Variants in IGDCC4 observed in about 807,000 individuals in gnomAD.
IGDCC4 encodes likely ortholog of mouse neighbor of Punc E11.
Under a neutral mutation model 116.6 loss-of-function variants are expected in IGDCC4, and 72 were observed. The observed-to-expected ratio is 0.62, with a 90% confidence interval of 0.51 to 0.75. The LOEUF (loss-of-function observed/expected upper bound fraction) is 0.75. IGDCC4 is among the 30% of genes least tolerant of loss of function. IGDCC4 has a pLI of 0.00. For synonymous variants in IGDCC4, 709 were observed against 719.9 expected (o/e 0.98, Z 0.24); for missense variants, 1,501 against 1,662.4 (o/e 0.90, Z 1.69).
At position 65,396,834 on chromosome 15, in the gene IGDCC4, C is replaced by A. The variant is rs767900209; in HGVS notation, c.997G>T (p.Ala333Ser). The A allele has an allele frequency of 9.6e-6, 15 of 1,568,138 alleles. No individual in the cohort carries two copies. The highest frequency in any genetic ancestry group is 1.3e-5 in the Non-Finnish European group (15 of 1,156,420). Residue 333 changes from alanine to serine, a missense_variant and splice_region_variant, in exon 6 of 20, where the codon GCG becomes TCG. This residue lies in a region of IGDCC4 where 898 missense variants were observed against 978.9 expected (regional missense o/e 0.92). Coordinates refer to ENST00000352385, the MANE Select transcript of IGDCC4 (RefSeq NM_020962.3). ...ATAAAELRVL[A>S]APAITQAPEA... ...CCCTCCGCCCTTCGGCCCGCCTCAC[C>A]CAGCACACGGAGCTCAGCGGCTGCA... is the stretch of plus-strand genomic sequence containing the variant.
chr15:65,394,130 C>T (rs1035072912), intron 9 of IGDCC4, among the ~76,000 whole-genome samples: 4 of 152,150 alleles, frequency 2.6e-5, no homozygotes, highest in Admixed American at 6.5e-5. Flanking sequence ...CCCCCCATTT[C>T]CCAGATAAGG....
chr15:65,408,968 G>A (rs2063064444), intron 3 of IGDCC4, among the ~76,000 whole-genome samples: 1 of 151,804 alleles, frequency 6.6e-6, no homozygotes. Context: ...AAGTAGCGGG[G>A]ACCACAGGCA....
intron 18 of IGDCC4, chr15:65,385,461 T>G: frequency 1.9e-6 from 1 of 520,842 alleles, no homozygotes; most frequent in Non-Finnish European, 3.4e-6. Context: ...GGCCTCACCT[T>G]ATCCTGGTCC....
intron 1 of IGDCC4, among the ~76,000 whole-genome samples, chr15:65,414,807 A>G (rs1020169214): frequency 6.6e-6 from 1 of 152,150 alleles, no homozygotes; most frequent in Non-Finnish European, 1.5e-5. Context: ...ACACCTGACT[A>G]ATTTTTGTAT....
chr15:65,402,282 G>A, intron 4 of IGDCC4, 69 bp downstream of exon 4: 1 of 1,522,270 alleles, frequency 6.6e-7, no homozygotes. Flanking sequence ...ACCCCTTGAG[G>A]TCCCTCCCAG....
chr15:65,381,839 G>A lies in IGDCC4; in HGVS notation c.*2170C>T, dbSNP rs2280345. The A allele has an allele frequency of 0.91, 139,296 of 152,696 alleles. 63,602 individuals are homozygous for A. The highest frequency in any genetic ancestry group is 0.96 in the Middle Eastern group (282 of 294). 9.5% of individuals were successfully genotyped at this position (152,696 alleles called of 1,614,324 possible). A position where few individuals can be genotyped will look rare whatever the true frequency, so the allele number is the denominator to read the frequency against. ...TTACCCAGAGCCCAAATCATATATAGTGCTAGTGAGAAATGGCCACTTTCT... is the reference window on the plus strand; with the variant it reads ...TTACCCAGAGCCCAAATCATATATAATGCTAGTGAGAAATGGCCACTTTCT... On this transcript the variant is annotated 3_prime_UTR_variant, in exon 20 of 20. Coordinates refer to ENST00000352385, the MANE Select transcript of IGDCC4 (RefSeq NM_020962.3).
intron 3 of IGDCC4, among the ~76,000 whole-genome samples, chr15:65,408,287 C>T (rs1027064211): frequency 6.6e-6 from 1 of 152,092 alleles, no homozygotes; most frequent in Admixed American, 6.5e-5. Flanking sequence ...CTTCTGCTAC[C>T]CTCTCTGGGG....
intron 1 of IGDCC4, 137 bp from the exon 2 acceptor site, chr15:65,411,507 TA>T: frequency 2.9e-6 from 2 of 682,854 alleles, no homozygotes; most frequent in Non-Finnish European, 4.7e-6. Context: ...CTCCCCTTAC[TA>T]ACTGTGACCT....
chr15:65,421,118 C>T (rs1346460901), intron 1 of IGDCC4, among the ~76,000 whole-genome samples: 1 of 152,224 alleles, frequency 6.6e-6, no homozygotes, highest in African/African-American at 2.4e-5. Flanking sequence ...GTTGTAGCCA[C>T]TCACACTGCA....
chr15:65,388,321 C>T, intron 16 of IGDCC4, 128 bp downstream of exon 16: 2 of 1,245,786 alleles, frequency 1.6e-6, no homozygotes, highest in South Asian at 2.7e-5. Context: ...ACCTATTTCC[C>T]CTTCACATTT....
chr15:65,412,062 T>A (rs1039084991), intron 1 of IGDCC4, among the ~76,000 whole-genome samples: 8 of 152,106 alleles, frequency 5.3e-5, no homozygotes, highest in Admixed American at 3.3e-4. Flanking sequence ...ACAGATAATT[T>A]AAAAAGTTAG....
At chr15:65,408,481 G>C (rs2063060315) in intron 3 of IGDCC4, among the ~76,000 whole-genome samples, 1 of 152,176 alleles carries the variant, frequency 6.6e-6, no homozygotes, top group African/African-American at 2.4e-5. Flanking sequence ...TCACCCTCTA[G>C]AATGCTCATT....
At position 65,401,425 on chromosome 15, in the gene IGDCC4, C is replaced by T. The variant is rs187700102; in HGVS notation, c.701-479G>A. 2.7e-4 allele frequency among the ~76,000 whole-genome samples: 41 copies of T among 152,324 alleles called. No homozygotes were observed. The East Asian group carries it at 7.7e-3, about 29-fold the overall frequency. Reference sequence around the variant, plus strand: ...TCTGCCTGTGCGGCAGTTCCCTAAACCCTGATTTCCTGCCAAGTTCTTTGT... The same window carrying T: ...TCTGCCTGTGCGGCAGTTCCCTAAATCCTGATTTCCTGCCAAGTTCTTTGT... On this transcript the variant is annotated intron_variant, in intron 4 of 19. Coordinates refer to ENST00000352385, the MANE Select transcript of IGDCC4 (RefSeq NM_020962.3).
chr15:65,383,892 A>C lies in IGDCC4; in HGVS notation c.*117T>G, dbSNP rs2091426060. 1.0e-6 allele frequency: 1 copy of C among 978,840 alleles called. No homozygotes were observed. The highest frequency in any genetic ancestry group is 2.7e-5 in the East Asian group (1 of 36,492). 60.6% of individuals were successfully genotyped at this position (978,840 alleles called of 1,614,324 possible). A position where few individuals can be genotyped will look rare whatever the true frequency, so the allele number is the denominator to read the frequency against. ...TCCCCTCAGCCAAAGCAACTTAGGA[A>C]GCTCCAAAGGGCTTGATGATGTATC... On this transcript the variant is annotated 3_prime_UTR_variant, in exon 20 of 20. Transcript: ENST00000352385.
At position 65,395,970 on chromosome 15, in the gene IGDCC4, C is replaced by A; in HGVS notation, c.1191G>T (p.Leu397=). 1.9e-6 allele frequency: 3 copies of A among 1,582,136 alleles called. No homozygotes were observed. Among genetic ancestry groups the A allele is most frequent in the Non-Finnish European group, 2.6e-6 (3 of 1,172,038 alleles). Residue 397 remains leucine (L), a synonymous_variant, in exon 7 of 20, where the codon CTG becomes CTT. Transcript: ENST00000352385. ...CGCACTGGTAGTAGCCGGCGTCCTG[C>A]AGGCCGATCTGTGTGATGACCAGGC... ...GGSLVITQIG[L]QDAGYYQCVA...
At chr15:65,399,767 T>C (rs2062966945) in intron 5 of IGDCC4, among the ~76,000 whole-genome samples, 1 of 152,194 alleles carries the variant, frequency 6.6e-6, no homozygotes, top group South Asian at 2.1e-4. Flanking sequence ...TTCTTTAAAC[T>C]ATATATATTC....
At chr15:65,414,182 T>C (rs1353305765) in intron 1 of IGDCC4, among the ~76,000 whole-genome samples, 1 of 152,190 alleles carries the variant, frequency 6.6e-6, no homozygotes, top group Non-Finnish European at 1.5e-5. Flanking sequence ...AGAGCAGTGA[T>C]GGCTGCGTGA....
Position 65,396,926 on chromosome 15 carries a change from G to C in IGDCC4, c.905C>G (p.Ala302Gly), listed in dbSNP as rs1385057176. 4.4e-6 allele frequency: 7 copies of C among 1,575,226 alleles called. No homozygotes were observed. The highest frequency in any genetic ancestry group is 1.3e-5 in the African/African-American group (1 of 74,356). The part of the protein sequence containing the change: ...LGRTNLLIAN[A>G]QPWHSGVYVC... The stretch of plus-strand genomic sequence containing the variant: ...ATAGACGCCGGAGTGCCAGGGCTGC[G>C]CGTTGGCAATTAGTAGGTTGGTGCG... Residue 302 changes from alanine to glycine, a missense_variant, in exon 6 of 20, where the codon GCG becomes GGG. By Grantham distance (60) the Ala-to-Gly change is moderately conservative. Coordinates refer to ENST00000352385, the MANE Select transcript of IGDCC4 (RefSeq NM_020962.3).
intron 12 of IGDCC4, among the ~76,000 whole-genome samples, chr15:65,391,231 A>AAAG (rs1186073745): frequency 1.3e-5 from 2 of 152,180 alleles, no homozygotes; most frequent in Non-Finnish European, 2.9e-5. Flanking sequence ...CTCTGTCTCA[A>AAAG]AAGAAAAAAA....
Sources: allele counts gnomAD v4.1 joint callset (sites outside exome capture counted in the v4.1 genomes callset), GRCh38; gene constraint gnomAD v4.1.1; regional missense constraint gnomAD v4.1.1; transcripts MANE v1.5; gene names NCBI Gene and HGNC (gene_info 2026-07-23, HGNC 2026-07-21).